TTC28: variants seen among roughly 807,000 people sequenced by gnomAD.
The protein encoded by TTC28 is tetratricopeptide repeat protein 28.
A neutral mutation model predicts 198.0 loss-of-function variants in TTC28; 61 were observed. The observed-to-expected ratio is 0.31, with a 90% CI of 0.25 to 0.38. TTC28 has a LOEUF of 0.38. TTC28 is among the 10% of genes least tolerant of loss of function. The pLI, the probability that TTC28 is intolerant of heterozygous loss-of-function variation, is 1.00. For synonymous variants in TTC28, 1,171 were observed against 1,297.8 expected (o/e 0.90, Z 2.10); for missense variants, 2,678 against 3,164.0 (o/e 0.85, Z 3.69).
At chr22:28,300,998 T>C (rs1490115340) in intron 3 of TTC28, among the ~76,000 whole-genome samples, 2 of 152,200 alleles carry the variant, frequency 1.3e-5, no homozygotes, top group Admixed American at 6.5e-5. Flanking sequence ...TATTCATGTA[T>C]ATATGTATGT....
chr22:28,310,165 CACACACACAA>C (rs1206604961), intron 2 of TTC28, among the ~76,000 whole-genome samples: 77 of 138,732 alleles, frequency 5.6e-4, no homozygotes, highest in East Asian at 1.0e-3. Flanking sequence ...CACACACACA[CACACACACAA>C]AAAACAAGAC....
intron 12 of TTC28, among the ~76,000 whole-genome samples, chr22:28,089,714 TA>T (rs1941751458): frequency 6.9e-6 from 1 of 143,916 alleles, no homozygotes; most frequent in Non-Finnish European, 1.5e-5. Context: ...ATAAAAAAAA[TA>T]AAGGTTTTCA....
chr22:28,675,627 G>T (rs934619279), intron 1 of TTC28, among the ~76,000 whole-genome samples: 1 of 151,338 alleles, frequency 6.6e-6, no homozygotes, highest in Non-Finnish European at 1.5e-5. Flanking sequence ...AGTCCTACCT[G>T]CTCAGGAGGC....
At chr22:28,012,427 G>A (rs541586367) in intron 14 of TTC28, among the ~76,000 whole-genome samples, 5 of 152,330 alleles carry the variant, frequency 3.3e-5, no homozygotes, top group South Asian at 2.1e-4. Flanking sequence ...GCAGTGACCC[G>A]GCACTCGGAA....
At chr22:27,999,673 T>G (rs535350332) in intron 15 of TTC28, 8 of 174,604 alleles carry the variant, frequency 4.6e-5, no homozygotes, top group Admixed American at 1.1e-4. Flanking sequence ...GTGATTTTGT[T>G]TAAATGGTGC....
chr22:28,403,704 C>T (rs1343440623), intron 2 of TTC28, among the ~76,000 whole-genome samples: 2 of 152,176 alleles, frequency 1.3e-5, no homozygotes, highest in African/African-American at 2.4e-5. Flanking sequence ...TATCCTGTCT[C>T]GCAAATGCCC....
chr22:28,471,484 A>C (rs1255621411), intron 2 of TTC28, among the ~76,000 whole-genome samples: 2 of 152,226 alleles, frequency 1.3e-5, no homozygotes, highest in African/African-American at 4.8e-5. Flanking sequence ...AACTAGGAAG[A>C]GCTTGTATTA....
intron 2 of TTC28, among the ~76,000 whole-genome samples, chr22:28,357,315 A>ATTTTT (rs11415868): frequency 1.8e-5 from 2 of 113,468 alleles, no homozygotes; most frequent in Non-Finnish European, 3.4e-5. Context: ...CAAATTTCTT[A>ATTTTT]TTTTTTTTTT....
At chr22:28,023,240 T>C (rs1938685048) in intron 13 of TTC28, among the ~76,000 whole-genome samples, 1 of 152,172 alleles carries the variant, frequency 6.6e-6, no homozygotes, top group Admixed American at 6.5e-5. Context: ...ACGGCAGCAG[T>C]TGGTGGTGCC....
Position 28,105,775 on chromosome 22 carries a change from A to G in TTC28, c.2811T>C (p.Leu937=). The stretch of plus-strand genomic sequence containing the variant: ...CCACGAGCCTCTTTTCAAAGCACAC[A>G]AGGGCTTGCTGCAAGCTCCCCATTG... The part of the protein sequence containing the change: ...HRAMGSLQQA[L]VCFEKRLVVA... Residue 937 remains leucine, a synonymous_variant, in exon 8 of 23, where the codon CTT becomes CTC. Transcript: ENST00000397906. 1.9e-6 allele frequency: 3 copies of G among 1,551,444 alleles called. No homozygotes were observed. The highest frequency in any genetic ancestry group is 2.6e-6 in the Non-Finnish European group (3 of 1,146,890).
chr22:28,132,655 C>G (rs1943087185), intron 6 of TTC28, among the ~76,000 whole-genome samples: 1 of 152,074 alleles, frequency 6.6e-6, no homozygotes. Context: ...CAGGAAGTAC[C>G]CCACTGAGAG....
At chr22:28,388,084 C>G (rs967825204) in intron 2 of TTC28, among the ~76,000 whole-genome samples, 2 of 152,142 alleles carry the variant, frequency 1.3e-5, no homozygotes, top group African/African-American at 4.8e-5. Flanking sequence ...TTTCCAAGCA[C>G]CGGTTATTAA....
chr22:28,499,125 C>T (rs2048499769), intron 2 of TTC28, among the ~76,000 whole-genome samples: 1 of 152,032 alleles, frequency 6.6e-6, no homozygotes, highest in African/African-American at 2.4e-5. Flanking sequence ...CTGCAGTGAG[C>T]CATGATTGTA....
chr22:28,080,484 T>C (rs1941306738), intron 12 of TTC28, among the ~76,000 whole-genome samples: 1 of 152,234 alleles, frequency 6.6e-6, no homozygotes, highest in Admixed American at 6.5e-5. Flanking sequence ...TGTTTACCTC[T>C]TTGAAGAAAT....
chr22:28,030,346 G>A lies in TTC28; in HGVS notation c.3953C>T (p.Thr1318Ile). The part of the protein sequence containing the change: ...HYSRACASSE[T>I]ESEAGDIMDQ... The stretch of plus-strand genomic sequence containing the variant: ...CATGATGTCTCCCGCTTCACTCTCT[G>A]TCTCACTGCTGGCACAGGCCCTGCA... The change falls in exon 13 of 23, where the codon ACA becomes ATA. Residue 1318 changes from threonine (T) to isoleucine (I), a missense_variant. Thr to Ile is a moderately conservative substitution (Grantham distance 89, BLOSUM62 -1). This residue lies in a region of TTC28 where 727 missense variants were observed against 861.9 expected (regional missense o/e 0.84). Transcript: ENST00000397906. The A allele has an allele frequency of 6.4e-7, 1 of 1,551,834 alleles. No individual in the cohort carries two copies. Among genetic ancestry groups the A allele is most frequent in the Non-Finnish European group, 8.7e-7 (1 of 1,147,014 alleles).
chr22:28,452,852 G>C (rs2047805639), intron 2 of TTC28, among the ~76,000 whole-genome samples: 3 of 152,162 alleles, frequency 2.0e-5, no homozygotes, highest in Admixed American at 1.3e-4. Flanking sequence ...ATCTGAGTTA[G>C]GATGAAGACA....
intron 6 of TTC28, among the ~76,000 whole-genome samples, chr22:28,121,003 C>T (rs746846791): frequency 6.6e-6 from 1 of 152,206 alleles, no homozygotes; most frequent in Non-Finnish European, 1.5e-5. Context: ...TTCAAAAACA[C>T]TGAAAGGAGC....
intron 13 of TTC28, chr22:28,028,797 A>G (rs1938949478): frequency 2.9e-6 from 1 of 344,146 alleles, no homozygotes; most frequent in African/African-American, 2.2e-5. Context: ...CCTTCCACAC[A>G]TTAAGTCGGT....
chr22:28,066,298 GTGTGTGGT>G (rs1178994273), intron 12 of TTC28, among the ~76,000 whole-genome samples: 1 of 150,948 alleles, frequency 6.6e-6, no homozygotes, highest in Non-Finnish European at 1.5e-5. Flanking sequence ...GTGTGTGTGT[GTGTGTGGT>G]GTGTGTGTGT....
Sources: gnomAD v4.1 joint callset for allele counts (sites outside exome capture counted in the v4.1 genomes callset) on GRCh38, gnomAD v4.1.1 for gene constraint, gnomAD v4.1.1 regional missense constraint, MANE v1.5 for transcripts, NCBI Gene and HGNC (gene_info 2026-07-23, HGNC 2026-07-21) for gene names.